The following SMARCC1 variants were observed in gnomAD, a reference collection of about 807,000 sequenced individuals.
The protein encoded by SMARCC1 is SWI/SNF complex subunit SMARCC1.
SMARCC1 carries 43 observed loss-of-function variants against 147.4 expected under a neutral mutation model. The observed-to-expected ratio is 0.29, with a 90% CI of 0.23 to 0.38. The LOEUF (loss-of-function observed/expected upper bound fraction) is 0.38, where lower values mean the gene tolerates loss of function less well. Ranked by LOEUF, SMARCC1 falls within the 10% of genes least tolerant of loss-of-function variation. The pLI is 1.00. For synonymous variants in SMARCC1, 495 were observed against 484.4 expected (o/e 1.02, Z -0.29); for missense variants, 1,119 against 1,381.1 (o/e 0.81, Z 3.01).
At chr3:47,656,472 C>T (rs2033263517) in intron 21 of SMARCC1, among the ~76,000 whole-genome samples, 1 of 152,142 alleles carries the variant, frequency 6.6e-6, no homozygotes, top group African/African-American at 2.4e-5. Flanking sequence ...CTTTTTAAAG[C>T]CCTATGGCTA....
chr3:47,760,389 G>A (rs2034759841), intron 2 of SMARCC1, among the ~76,000 whole-genome samples: 2 of 152,120 alleles, frequency 1.3e-5, no homozygotes, highest in African/African-American at 2.4e-5. Flanking sequence ...TGGGCCAGAG[G>A]GAGTGGCTCA....
At chr3:47,733,328 A>C (rs1358892577) in intron 5 of SMARCC1, among the ~76,000 whole-genome samples, 11 of 152,198 alleles carry the variant, frequency 7.2e-5, no homozygotes, top group Non-Finnish European at 1.5e-5. Context: ...CTGCAATCCC[A>C]GCACTTTGGG....
At chr3:47,609,419 C>A (rs1472695900) in intron 26 of SMARCC1, among the ~76,000 whole-genome samples, 4 of 152,074 alleles carry the variant, frequency 2.6e-5, no homozygotes, top group Admixed American at 2.6e-4. Context: ...ATGGCATGAA[C>A]CCAGGAGGCG....
At chr3:47,777,208 G>C (rs1158798323) in intron 1 of SMARCC1, among the ~76,000 whole-genome samples, 1 of 151,112 alleles carries the variant, frequency 6.6e-6, no homozygotes, top group Non-Finnish European at 1.5e-5. Flanking sequence ...TCAGCCTCCT[G>C]GGTAGCTGGG....
chr3:47,588,089 T>C lies in SMARCC1; in HGVS notation c.*120A>G, dbSNP rs1347203916. Reference sequence around the variant, plus strand: ...GAGGAGTGGGGAGGCACGGGACACGTGCTTGGAGCTGTGAGAAGAAAAATC... The same window carrying C: ...GAGGAGTGGGGAGGCACGGGACACGCGCTTGGAGCTGTGAGAAGAAAAATC... On this transcript the variant is annotated 3_prime_UTR_variant, in exon 28 of 28. Transcript: ENST00000254480. 1 of 771,256 alleles carries C rather than the reference T, an allele frequency of 1.3e-6. No homozygotes were observed. Among genetic ancestry groups the C allele is most frequent in the Non-Finnish European group, 2.2e-6 (1 of 462,766 alleles). The allele number at this position is 771,256 out of a possible 1,614,324, so 47.8% of individuals were successfully genotyped here.
chr3:47,605,192 AT>A (rs1469723896), intron 26 of SMARCC1, among the ~76,000 whole-genome samples: 2 of 152,216 alleles, frequency 1.3e-5, no homozygotes, highest in Admixed American at 6.5e-5. Flanking sequence ...ATCTGAACAT[AT>A]GCATATCCTA....
intron 12 of SMARCC1, among the ~76,000 whole-genome samples, chr3:47,690,903 G>T (rs1393856083): frequency 1.3e-5 from 2 of 152,168 alleles, no homozygotes; most frequent in Non-Finnish European, 2.9e-5. Context: ...TTTTATGTAG[G>T]AAGTAACTAA....
chr3:47,703,427 T>C (rs964405535), intron 10 of SMARCC1, among the ~76,000 whole-genome samples: 1 of 150,038 alleles, frequency 6.7e-6, no homozygotes, highest in African/African-American at 2.4e-5. Context: ...GCAGATGTTA[T>C]TATACTAATT....
rs2034130594 is a variant in SMARCC1 at position 47,714,399 on chromosome 3, T to C, written c.792+16A>G. The C allele has an allele frequency of 3.4e-6, 5 of 1,479,706 alleles. No homozygotes were observed. The highest frequency in any genetic ancestry group is 4.7e-6 in the Non-Finnish European group (5 of 1,067,900). The allele number at this position is 1,479,706 out of a possible 1,614,324, so 91.7% of individuals were successfully genotyped here. ...TAAAAAGATTATTGTAAGATTTTTT[T>C]TGTTAAATCATTTACCTTCCATGGT... is the stretch of plus-strand genomic sequence containing the variant. On this transcript the variant is annotated intron_variant, in intron 8 of 27. Transcript: ENST00000254480.
At chr3:47,741,969 T>C (rs1404485981) in intron 3 of SMARCC1, among the ~76,000 whole-genome samples, 1 of 151,930 alleles carries the variant, frequency 6.6e-6, no homozygotes, top group East Asian at 1.9e-4. Flanking sequence ...CTTGCTGTCA[T>C]CATACAAAGC....
Position 47,591,067 on chromosome 3 carries a change from T to G in SMARCC1, c.3044-230A>C, listed in dbSNP as rs190962648. ...TGGAATGACTGATTATTCTAAACAC[T>G]GGCAAGAAGGTGGCTGTAAAAAGAA... On this transcript the variant is annotated intron_variant, in intron 26 of 27. Coordinates refer to ENST00000254480, the MANE Select transcript of SMARCC1 (RefSeq NM_003074.4). Among the ~76,000 whole-genome samples, 17 of 152,248 alleles carry G rather than the reference T, an allele frequency of 1.1e-4. No individual in the cohort carries two copies. The East Asian group carries it at 2.9e-3, about 26-fold the overall frequency.
intron 9 of SMARCC1, among the ~76,000 whole-genome samples, chr3:47,707,537 T>G (rs1215643461): frequency 6.6e-6 from 1 of 151,750 alleles, no homozygotes; most frequent in African/African-American, 2.4e-5. Flanking sequence ...CAGTACTAGA[T>G]TAGGTAAAAG....
intron 2 of SMARCC1, among the ~76,000 whole-genome samples, chr3:47,750,406 G>C (rs2034616405): frequency 6.6e-6 from 1 of 152,128 alleles, no homozygotes; most frequent in South Asian, 2.1e-4. Flanking sequence ...GGGCACTCCA[G>C]CTTGGCGACA....
chr3:47,780,569 C>T (rs2035034351), intron 1 of SMARCC1, among the ~76,000 whole-genome samples: 1 of 152,158 alleles, frequency 6.6e-6, no homozygotes, highest in Admixed American at 6.6e-5. Flanking sequence ...AAATAGGTTC[C>T]TAAACTAGTT....
At chr3:47,600,614 C>G (rs1274712402) in intron 26 of SMARCC1, among the ~76,000 whole-genome samples, 1 of 152,182 alleles carries the variant, frequency 6.6e-6, no homozygotes, top group African/African-American at 2.4e-5. Context: ...GAGGTCCATT[C>G]TCTTTTCCTT....
intron 2 of SMARCC1, among the ~76,000 whole-genome samples, chr3:47,759,618 CAAAAAA>C (rs796811233): frequency 1.6e-5 from 1 of 63,770 alleles, no homozygotes. Context: ...GACTCCGTCT[CAAAAAA>C]AAAAAAAAAA....
At chr3:47,677,608 G>T (rs913967178) in intron 16 of SMARCC1, among the ~76,000 whole-genome samples, 1 of 150,998 alleles carries the variant, frequency 6.6e-6, no homozygotes, top group African/African-American at 2.4e-5. Flanking sequence ...CTGGAATGCA[G>T]TGGGACGATC....
At position 47,701,333 on chromosome 3, in the gene SMARCC1, A is replaced by C; in HGVS notation, c.1110T>G (p.Asp370Glu). Residue 370 changes from aspartate (D) to glutamate (E), a missense_variant, in exon 11 of 28, where the codon GAT becomes GAG. Physicochemically the swap from Asp to Glu is conservative, Grantham distance 45 (BLOSUM62 2). Coordinates refer to ENST00000254480, the MANE Select transcript of SMARCC1 (RefSeq NM_003074.4). ...EEDEQEDLTKDMEDPTPVPNI... is the reference protein window; with the variant it reads ...EEDEQEDLTKEMEDPTPVPNI... ...TGGGTACAGGTGTTGGGTCTTCCAT[A>C]TCCTTGGTTAGATCTTCTTGCTCAT... The C allele has an allele frequency of 6.2e-7, 1 of 1,613,176 alleles. No homozygotes were observed. The highest frequency in any genetic ancestry group is 2.2e-5 in the East Asian group (1 of 44,870).
intron 2 of SMARCC1, among the ~76,000 whole-genome samples, chr3:47,771,365 G>C (rs919727304): frequency 6.6e-5 from 10 of 152,114 alleles, no homozygotes; most frequent in African/African-American, 2.4e-4. Context: ...TGAATTAAAA[G>C]ACAAAAATTA....
Sources: gnomAD v4.1 joint callset for allele counts (sites outside exome capture counted in the v4.1 genomes callset) on GRCh38, gnomAD v4.1.1 for gene constraint, MANE v1.5 for transcripts, NCBI Gene and HGNC (gene_info 2026-07-23, HGNC 2026-07-21) for gene names.